Variants in DENND1A observed in about 807,000 individuals in gnomAD.
The protein encoded by DENND1A is DENN domain-containing protein 1A.
Under a neutral mutation model 113.7 loss-of-function variants are expected in DENND1A, and 51 were observed. That is an observed-to-expected ratio of 0.45 (90% CI 0.36 to 0.57). The LOEUF (loss-of-function observed/expected upper bound fraction) is 0.57. DENND1A is among the 20% of genes least tolerant of loss of function. The probability of loss-of-function intolerance (pLI) is 0.00; values close to 1 mark genes in which losing one functional copy is unlikely to be tolerated. For missense variants in DENND1A, 1,258 were observed against 1,395.9 expected (o/e 0.90, Z 1.57); for synonymous variants, 565 against 570.8 (o/e 0.99, Z 0.14).
intron 1 of DENND1A, among the ~76,000 whole-genome samples, chr9:123,904,624 G>C (rs1440741398): frequency 6.7e-6 from 1 of 149,842 alleles, no homozygotes; most frequent in Non-Finnish European, 1.5e-5. Context: ...ATCAGCAATG[G>C]AAGATGAAAT....
At chr9:123,634,318 AT>A (rs1336344747) in intron 9 of DENND1A, among the ~76,000 whole-genome samples, 1 of 152,234 alleles carries the variant, frequency 6.6e-6, no homozygotes, top group Non-Finnish European at 1.5e-5. Flanking sequence ...TGCATTACTC[AT>A]TTGATTAAGA....
At position 123,381,359 on chromosome 9, in the gene DENND1A, C is replaced by T. The variant is rs185466304; in HGVS notation, c.*73G>A. On this transcript the variant is annotated 3_prime_UTR_variant, in exon 24 of 24. Coordinates refer to ENST00000394215, the MANE Select transcript of DENND1A (RefSeq NM_001352964.2). This position sits in a 1 kb window ranked among gnomAD's most constrained non-coding sequence, Gnocchi z 4.7. ...CAGAACCTGGGCAGAGAGAGAGTGG[C>T]GGGGGAGCCTCGGAACCGCAGCAGT... is the stretch of plus-strand genomic sequence containing the variant. 3.1e-4 allele frequency: 426 copies of T among 1,383,876 alleles called. 1 individual carries two copies. The African/African-American group carries it at 5.1e-3, about 16-fold the overall frequency. 85.7% of individuals were successfully genotyped at this position (1,383,876 alleles called of 1,614,324 possible).
chr9:123,446,408 C>T (rs2047309002), intron 18 of DENND1A, among the ~76,000 whole-genome samples: 2 of 152,180 alleles, frequency 1.3e-5, no homozygotes, highest in Admixed American at 1.3e-4. Context: ...ACAAGTCTAC[C>T]TAGCTCTCCC....
At chr9:123,615,033 G>A (rs1468119663) in intron 10 of DENND1A, among the ~76,000 whole-genome samples, 1 of 152,232 alleles carries the variant, frequency 6.6e-6, no homozygotes, top group South Asian at 2.1e-4. Context: ...ACAGACACCA[G>A]AGAACATATC....
At chr9:123,848,667 C>T (rs1418482062) in intron 2 of DENND1A, among the ~76,000 whole-genome samples, 7 of 152,104 alleles carry the variant, frequency 4.6e-5, no homozygotes, top group African/African-American at 1.4e-4. Flanking sequence ...TTAGCAGTGA[C>T]GAAGGCATAT....
At chr9:123,597,992 G>C (rs984781701) in intron 11 of DENND1A, among the ~76,000 whole-genome samples, 3 of 152,228 alleles carry the variant, frequency 2.0e-5, no homozygotes, top group African/African-American at 7.2e-5. Flanking sequence ...CAGCCAGGAG[G>C]ACTTAATGAA....
intron 10 of DENND1A, among the ~76,000 whole-genome samples, chr9:123,619,635 T>C (rs2060839165): frequency 6.6e-6 from 1 of 152,136 alleles, no homozygotes; most frequent in Admixed American, 6.6e-5. Context: ...TTGCCCAGGA[T>C]TGGTCTCGAA....
chr9:123,463,529 T>C (rs894158731), intron 13 of DENND1A, among the ~76,000 whole-genome samples: 3 of 152,192 alleles, frequency 2.0e-5, no homozygotes, highest in Non-Finnish European at 4.4e-5. Flanking sequence ...TTAATTTTTA[T>C]CAAAATTCTA....
At chr9:123,742,534 A>G (rs2069116118) in intron 5 of DENND1A, among the ~76,000 whole-genome samples, 1 of 152,254 alleles carries the variant, frequency 6.6e-6, no homozygotes, top group Non-Finnish European at 1.5e-5. Flanking sequence ...TTGCACCACA[A>G]GAGAGGCCAT....
At chr9:123,563,614 G>C (rs1169378876) in intron 12 of DENND1A, among the ~76,000 whole-genome samples, 1 of 152,148 alleles carries the variant, frequency 6.6e-6, no homozygotes, top group Non-Finnish European at 1.5e-5. Flanking sequence ...TATTACAACA[G>C]TCTTTGAGCT....
At chr9:123,715,694 T>TTG (rs1009942082) in intron 5 of DENND1A, among the ~76,000 whole-genome samples, 3 of 152,090 alleles carry the variant, frequency 2.0e-5, no homozygotes, top group African/African-American at 7.2e-5. Flanking sequence ...TTTTTGTTTT[T>TTG]TTGTTTTTGA....
intron 5 of DENND1A, among the ~76,000 whole-genome samples, chr9:123,737,015 C>T (rs1040482409): frequency 2.6e-5 from 4 of 152,104 alleles, no homozygotes; most frequent in East Asian, 3.8e-4. Context: ...ATAATTTATT[C>T]GGTATTTTTT....
At chr9:123,428,839 G>T (rs141029989) in intron 19 of DENND1A, among the ~76,000 whole-genome samples, 251 of 152,298 alleles carry the variant, frequency 1.6e-3, no homozygotes, top group African/African-American at 5.6e-3. Context: ...ATCAAGGGAA[G>T]TGAAGGACCT....
intron 21 of DENND1A, among the ~76,000 whole-genome samples, chr9:123,394,519 C>A (rs939912909): frequency 3.3e-5 from 5 of 152,184 alleles, no homozygotes; most frequent in African/African-American, 4.8e-5. Flanking sequence ...GCTGCCCATC[C>A]CCCTCTCTTG....
At chr9:123,774,604 G>C (rs991361450) in intron 3 of DENND1A, among the ~76,000 whole-genome samples, 2 of 151,978 alleles carry the variant, frequency 1.3e-5, no homozygotes, top group African/African-American at 4.8e-5. Flanking sequence ...TTACAGAAAG[G>C]CCTTTCAACA....
intron 12 of DENND1A, among the ~76,000 whole-genome samples, chr9:123,559,746 G>A (rs187312730): frequency 6.6e-6 from 1 of 152,214 alleles, no homozygotes; most frequent in Admixed American, 6.5e-5. Context: ...GTAGTCACAA[G>A]ACTGTACAAC....
chr9:123,554,193 A>G (rs1159260473), intron 13 of DENND1A, among the ~76,000 whole-genome samples: 1 of 152,080 alleles, frequency 6.6e-6, no homozygotes, highest in East Asian at 1.9e-4. Context: ...TTGGGCTCAT[A>G]TGTACTTTGC....
At chr9:123,697,442 A>G (rs929468471) in intron 5 of DENND1A, among the ~76,000 whole-genome samples, 1 of 152,084 alleles carries the variant, frequency 6.6e-6, no homozygotes, top group Admixed American at 6.6e-5. Flanking sequence ...TGGTTACATG[A>G]GTAAGTTCTT....
At chr9:123,471,420 C>A (rs1185079443) in intron 13 of DENND1A, among the ~76,000 whole-genome samples, 2 of 152,162 alleles carry the variant, frequency 1.3e-5, no homozygotes, top group Non-Finnish European at 2.9e-5. Context: ...TGTTTTCCAC[C>A]CCAAATTAGG....
Sources: gnomAD v4.1 joint callset for allele counts (sites outside exome capture counted in the v4.1 genomes callset) on GRCh38, gnomAD v4.1.1 for gene constraint, Gnocchi (gnomAD v3.1) non-coding constraint, MANE v1.5 for transcripts, NCBI Gene and HGNC (gene_info 2026-07-23, HGNC 2026-07-21) for gene names.